Variants in TMEM132D observed in about 807,000 individuals in gnomAD.
TMEM132D encodes mature OL transmembrane protein.
A neutral mutation model predicts 62.3 loss-of-function variants in TMEM132D; 21 were observed. The ratio of observed to expected loss-of-function variants is 0.34; its 90% CI spans 0.24 to 0.49. The LOEUF is 0.49. Ranked by LOEUF, TMEM132D falls within the 20% of genes least tolerant of loss-of-function variation. The pLI, the probability that TMEM132D is intolerant of heterozygous loss-of-function variation, is 0.99. For missense variants in TMEM132D, 1,346 were observed against 1,402.8 expected (o/e 0.96, Z 0.65); for synonymous variants, 621 against 575.6 (o/e 1.08, Z -1.13).
chr12:129,127,123 G>A (rs1027049602), intron 5 of TMEM132D, among the ~76,000 whole-genome samples: 9 of 152,210 alleles, frequency 5.9e-5, no homozygotes, highest in Admixed American at 2.6e-4. Flanking sequence ...TCAACGGATT[G>A]AACACACTGG....
At chr12:129,695,024 A>G (rs1247704393) in intron 2 of TMEM132D, among the ~76,000 whole-genome samples, 3 of 152,148 alleles carry the variant, frequency 2.0e-5, no homozygotes, top group African/African-American at 7.2e-5. Context: ...ATAAAAAATA[A>G]ATAAATAAAT....
intron 1 of TMEM132D, among the ~76,000 whole-genome samples, chr12:129,818,377 T>A (rs1872433918): frequency 6.8e-6 from 1 of 147,158 alleles, no homozygotes; most frequent in Admixed American, 6.8e-5. Flanking sequence ...TGTATGTGTG[T>A]GAGGTGTGTG....
Position 129,676,990 on chromosome 12 carries a change from G to T in TMEM132D, c.968+22820C>A, listed in dbSNP as rs140208804. ...AATGTTTTAGAAAATTTACATATCA[G>T]AATAGCTATATAGTATTCTGTGAAT... On this transcript the variant is annotated intron_variant, in intron 2 of 8. Transcript: ENST00000422113. 1.5e-3 allele frequency among the ~76,000 whole-genome samples: 225 copies of T among 152,182 alleles called. 1 individual carries two copies. The highest frequency in any genetic ancestry group is 5.2e-3 in the African/African-American group (217 of 41,504).
chr12:129,147,291 T>TATGTATATATATACATGTGCAC (rs1876938148), intron 5 of TMEM132D, among the ~76,000 whole-genome samples: 1 of 150,090 alleles, frequency 6.7e-6, no homozygotes, highest in Non-Finnish European at 1.5e-5. Context: ...TACATGTGCA[T>TATGTATATATATACATGTGCAC]ATGTATATAT....
chr12:129,474,641 G>A (rs1384169356), intron 3 of TMEM132D, among the ~76,000 whole-genome samples: 1 of 152,206 alleles, frequency 6.6e-6, no homozygotes, highest in East Asian at 1.9e-4. Context: ...CGCGTTGACA[G>A]CTGAATATCC....
intron 5 of TMEM132D, among the ~76,000 whole-genome samples, chr12:129,188,578 G>T (rs1878282824): frequency 6.6e-6 from 1 of 152,114 alleles, no homozygotes; most frequent in Non-Finnish European, 1.5e-5. Flanking sequence ...TTCCAACTAG[G>T]GACAGTTTTG....
intron 3 of TMEM132D, among the ~76,000 whole-genome samples, chr12:129,369,869 T>C (rs982616616): frequency 2.0e-5 from 3 of 152,230 alleles, no homozygotes; most frequent in Non-Finnish European, 4.4e-5. Context: ...GTAAGCTCTC[T>C]GTGCCTTGTC....
chr12:129,647,481 G>C (rs1388803283), intron 2 of TMEM132D, among the ~76,000 whole-genome samples: 1 of 152,086 alleles, frequency 6.6e-6, no homozygotes, highest in African/African-American at 2.4e-5. Flanking sequence ...AGAACTGCTG[G>C]ATCATGGAGG....
At chr12:129,662,791 CAA>C (rs34743737) in intron 2 of TMEM132D, among the ~76,000 whole-genome samples, 10 of 69,410 alleles carry the variant, frequency 1.4e-4, no homozygotes, top group East Asian at 1.0e-3. Flanking sequence ...GATTCCATCT[CAA>C]AAAAAAAAAA....
intron 5 of TMEM132D, among the ~76,000 whole-genome samples, chr12:129,155,501 C>T (rs1006958271): frequency 6.6e-6 from 1 of 152,312 alleles, no homozygotes; most frequent in Non-Finnish European, 1.5e-5. Flanking sequence ...CTCATTCTGG[C>T]TTAGGCATTT....
intron 1 of TMEM132D, among the ~76,000 whole-genome samples, chr12:129,790,878 A>G (rs1415226958): frequency 6.6e-6 from 1 of 152,220 alleles, no homozygotes; most frequent in Non-Finnish European, 1.5e-5. Flanking sequence ...AATATGTTTA[A>G]TAGATGTTCT....
rs1875444889 is a variant in TMEM132D at position 129,903,549 on chromosome 12, C to T, written c.-210G>A. On this transcript the variant is annotated 5_prime_UTR_variant, in exon 1 of 9. Coordinates refer to ENST00000422113, the MANE Select transcript of TMEM132D (RefSeq NM_133448.3). This position sits in a 1 kb window ranked among gnomAD's most constrained non-coding sequence, Gnocchi z 6.2. ...CCGCGCGGGCTCCTGAGTTGCTCTCCGGAGTCCAACACGCGCGCAGGCAAA... is the reference window on the plus strand; with the variant it reads ...CCGCGCGGGCTCCTGAGTTGCTCTCTGGAGTCCAACACGCGCGCAGGCAAA... The T allele has an allele frequency of 1.7e-6, 1 of 581,296 alleles. No individual in the cohort carries two copies. The highest frequency in any genetic ancestry group is 3.1e-6 in the Non-Finnish European group (1 of 325,896). The allele number at this position is 581,296 out of a possible 1,614,324, so 36.0% of individuals were successfully genotyped here. A position where few individuals can be genotyped will look rare whatever the true frequency, so the allele number is the denominator to read the frequency against.
intron 2 of TMEM132D, among the ~76,000 whole-genome samples, chr12:129,579,809 C>A (rs1877791734): frequency 6.6e-6 from 1 of 152,174 alleles, no homozygotes; most frequent in Non-Finnish European, 1.5e-5. Flanking sequence ...CACCCAGAAG[C>A]AATACTTTAC....
At chr12:129,287,558 G>C (rs563127861) in intron 4 of TMEM132D, among the ~76,000 whole-genome samples, 1 of 152,148 alleles carries the variant, frequency 6.6e-6, no homozygotes, top group African/African-American at 2.4e-5. Flanking sequence ...CACCAACCTA[G>C]TATCTCCACA....
At chr12:129,521,402 C>T (rs750778446) in intron 3 of TMEM132D, 35 of 152,104 alleles carry the variant, frequency 2.3e-4, no homozygotes, top group Admixed American at 5.2e-4. Flanking sequence ...GGCTGGTGAA[C>T]GGATCATTTA....
chr12:129,578,740 G>C (rs184138573), intron 2 of TMEM132D, among the ~76,000 whole-genome samples: 1 of 152,098 alleles, frequency 6.6e-6, no homozygotes, highest in Non-Finnish European at 1.5e-5. Context: ...TGAGAACCAA[G>C]AGTGATGAGG....
chr12:129,673,528 C>T (rs1880556024), intron 2 of TMEM132D, among the ~76,000 whole-genome samples: 1 of 152,154 alleles, frequency 6.6e-6, no homozygotes, highest in South Asian at 2.1e-4. Context: ...TGAAAAAAAT[C>T]AAACATCCGG....
chr12:129,246,801 A>G (rs1366026737), intron 4 of TMEM132D, among the ~76,000 whole-genome samples: 1 of 152,138 alleles, frequency 6.6e-6, no homozygotes, highest in Non-Finnish European at 1.5e-5. Flanking sequence ...GGCACATGGT[A>G]TCAAGAGGAT....
chr12:129,709,787 G>A (rs1881598146), intron 1 of TMEM132D, among the ~76,000 whole-genome samples: 1 of 152,132 alleles, frequency 6.6e-6, no homozygotes, highest in South Asian at 2.1e-4. Flanking sequence ...GAAAGAGGAT[G>A]TTTAGCTTAT....
Sources: gnomAD v4.1 joint callset for allele counts (sites outside exome capture counted in the v4.1 genomes callset) on GRCh38, gnomAD v4.1.1 for gene constraint, Gnocchi (gnomAD v3.1) non-coding constraint, MANE v1.5 for transcripts, NCBI Gene and HGNC (gene_info 2026-07-23, HGNC 2026-07-21) for gene names.